Variants in DOCK8 observed in about 807,000 individuals in gnomAD.
The protein encoded by DOCK8 is dedicator of cytokinesis protein 8.
Under a neutral mutation model 245.6 loss-of-function variants are expected in DOCK8, and 141 were observed. The ratio of observed to expected loss-of-function variants is 0.57; its 90% CI spans 0.50 to 0.66. The LOEUF (loss-of-function observed/expected upper bound fraction) is 0.66, where lower values mean the gene tolerates loss of function less well. Among genes scored for constraint, DOCK8 ranks in the 30% least tolerant of loss-of-function variants. The pLI is 0.00. For synonymous variants in DOCK8, 1,168 were observed against 970.2 expected, an observed-to-expected ratio of 1.20 and a Z score of -3.79; for missense variants, 2,965 against 2,603.4, an observed-to-expected ratio of 1.14 and a Z score of -3.02.
chr9:308,013 A>C (rs2049928434), intron 5 of DOCK8, among the ~76,000 whole-genome samples: 1 of 152,224 alleles, frequency 6.6e-6, no homozygotes, highest in Admixed American at 6.5e-5. Context: ...AGTTGATCTC[A>C]TAGAAGTAGA....
chr9:263,730 T>A (rs147168286), intron 1 of DOCK8, among the ~76,000 whole-genome samples: 2 of 152,226 alleles, frequency 1.3e-5, no homozygotes, highest in East Asian at 3.8e-4. Flanking sequence ...TAGAAAATTC[T>A]AGATTGTTAG....
intron 5 of DOCK8, among the ~76,000 whole-genome samples, chr9:310,760 A>T (rs548574401): frequency 4.6e-5 from 7 of 152,206 alleles, no homozygotes; most frequent in African/African-American, 1.7e-4. Flanking sequence ...ATATTTTAAA[A>T]ATAGTACATT....
chr9:214,749 G>T (rs767509877), upstream of DOCK8: 15 of 1,524,088 alleles, frequency 9.8e-6, no homozygotes, highest in Middle Eastern at 5.1e-4. Flanking sequence ...CTCGCCCGCC[G>T]CTGCCTGCGC....
chr9:443,355 T>G, intron 42 of DOCK8, 72 bp from the exon 43 acceptor site: 1 of 1,445,888 alleles, frequency 6.9e-7, no homozygotes, highest in Non-Finnish European at 9.7e-7. Context: ...CAAACTTATT[T>G]CACTTCCAAG....
chr9:428,218 T>C, intron 34 of DOCK8, 144 bp from the exon 35 acceptor site: 1 of 1,252,324 alleles, frequency 8.0e-7, no homozygotes, highest in Non-Finnish European at 1.1e-6. Context: ...CCATGGTTAA[T>C]GGATGATACC....
chr9:384,097 AACAATTTCTT>A (rs2053843670), intron 22 of DOCK8, among the ~76,000 whole-genome samples: 1 of 152,168 alleles, frequency 6.6e-6, no homozygotes, highest in African/African-American at 2.4e-5. Flanking sequence ...TCTTGCTGGA[AACAATTTCTT>A]AGACTTTCTT....
intron 39 of DOCK8, among the ~76,000 whole-genome samples, chr9:438,315 G>A (rs1305711376): frequency 6.6e-6 from 1 of 152,230 alleles, no homozygotes; most frequent in East Asian, 1.9e-4. Context: ...TGGGGAAAAA[G>A]TGCTACAGTT....
At chr9:332,538 A>G (rs1188200699) in intron 10 of DOCK8, 60 bp downstream of exon 10, 1 of 1,225,496 alleles carries the variant, frequency 8.2e-7, no homozygotes, top group Non-Finnish European at 1.2e-6. Context: ...TATTTTCAGA[A>G]GTGTTACACA....
chr9:412,415 A>AAC (rs1481939158), intron 28 of DOCK8, among the ~76,000 whole-genome samples: 1 of 151,558 alleles, frequency 6.6e-6, no homozygotes, highest in East Asian at 1.9e-4. Context: ...AAAAAAAAAA[A>AAC]AAAAAAGAAA....
rs764466085 is a variant in DOCK8, at chr9:434,922, C to G, written c.5026C>G (p.Leu1676Val). Residue 1676 changes from leucine (L) to valine (V), a missense_variant, in exon 39 of 48, where the codon CTG (leucine) becomes GTG (valine). Transcript: ENST00000432829. ...VHAAALVAEY[L>V]SMLEDHSYLP... ...CGCCGCTGCGTTAGTGGCTGAGTAT[C>G]TGAGCATGCTGGAGGACCACAGCTA... The G allele has an allele frequency of 1.9e-6, 3 of 1,613,690 alleles. No individual in the cohort carries two copies. The highest frequency in any genetic ancestry group is 2.5e-6 in the Non-Finnish European group (3 of 1,180,046).
intron 46 of DOCK8, among the ~76,000 whole-genome samples, chr9:461,805 G>C (rs2057814661): frequency 6.6e-6 from 1 of 151,880 alleles, no homozygotes; most frequent in African/African-American, 2.4e-5. Flanking sequence ...GCTTCCCAAA[G>C]TGCTGGGATT....
In DOCK8 at chr9:372,070, T is replaced by C. The variant is rs569082562; in HGVS notation, c.2008-115T>C. 5.4e-4 allele frequency: 484 copies of C among 891,910 alleles called. 5 individuals carry two copies. The African/African-American group carries it at 6.6e-3, about 12-fold the overall frequency. 55.2% of individuals were successfully genotyped at this position (891,910 alleles called of 1,614,324 possible). A position where few individuals can be genotyped will look rare whatever the true frequency, so the allele number is the denominator to read the frequency against. ...GGACAGAAATTACTGCCAAAAAGAG[T>C]ACTGGTCAATATCTACTCACTGTTT... On this transcript the variant is annotated intron_variant, in intron 17 of 47. Coordinates refer to ENST00000432829, the MANE Select transcript of DOCK8 (RefSeq NM_203447.4).
At chr9:412,625 C>A (rs1219803097) in intron 28 of DOCK8, among the ~76,000 whole-genome samples, 1 of 151,596 alleles carries the variant, frequency 6.6e-6, no homozygotes, top group Non-Finnish European at 1.5e-5. Context: ...TTACGATGAG[C>A]AATCTGAAAA....
intron 23 of DOCK8, among the ~76,000 whole-genome samples, chr9:389,433 C>G (rs1017366673): frequency 6.6e-6 from 1 of 152,160 alleles, no homozygotes; most frequent in Non-Finnish European, 1.5e-5. Flanking sequence ...TAAGTTAAGG[C>G]TGATACTACT....
At position 421,422 on chromosome 9, in the gene DOCK8, G is replaced by GTGTA. The variant is rs1262547198; in HGVS notation, c.4153+345_4153+346insGTAT. Among the ~76,000 whole-genome samples the GTGTA allele has an allele frequency of 4.5e-4, 69 of 152,326 alleles. 1 individual carries two copies. In the East Asian group the frequency reaches 0.012, roughly 27 times the overall value. ...GGCCTTTCTATGTGACCTTTGGCTA[G>GTGTA]TCTATCCGGAGCATGGTCAAGAAAC... On this transcript the variant is annotated intron_variant, in intron 32 of 47. Transcript: ENST00000432829.
At chr9:392,082 G>T (rs1007629907) in intron 24 of DOCK8, among the ~76,000 whole-genome samples, 1 of 150,912 alleles carries the variant, frequency 6.6e-6, no homozygotes, top group African/African-American at 2.4e-5. Context: ...AGGCAGCAGT[G>T]AGCTGAGATT....
At chr9:333,213 TTA>T (rs2051109496) in intron 10 of DOCK8, among the ~76,000 whole-genome samples, 1 of 152,202 alleles carries the variant, frequency 6.6e-6, no homozygotes, top group Admixed American at 6.5e-5. Context: ...CTACCATGCA[TTA>T]TATATATTCA....
chr9:349,289 C>T (rs1164456187), intron 14 of DOCK8, among the ~76,000 whole-genome samples: 1 of 151,126 alleles, frequency 6.6e-6, no homozygotes, highest in Non-Finnish European at 1.5e-5. Context: ...CTGGTGTCAA[C>T]AACAGAAAGA....
intron 14 of DOCK8, chr9:365,655 A>G (rs1292193138): frequency 8.8e-6 from 4 of 454,446 alleles, no homozygotes; most frequent in African/African-American, 2.0e-5. Flanking sequence ...GGTCGATGCA[A>G]TTATGCTTTG....
Sources: gnomAD v4.1 joint callset for allele counts (sites outside exome capture counted in the v4.1 genomes callset) on GRCh38, gnomAD v4.1.1 for gene constraint, MANE v1.5 for transcripts, NCBI Gene and HGNC (gene_info 2026-07-23, HGNC 2026-07-21) for gene names.